Variants in DLG2 observed in about 807,000 individuals in gnomAD.
DLG2 encodes the protein discs large MAGUK scaffold protein 2.
DLG2 carries 45 observed loss-of-function variants against 132.5 expected under a neutral mutation model. The ratio of observed to expected loss-of-function variants is 0.34; its 90% CI spans 0.27 to 0.44. The LOEUF (loss-of-function observed/expected upper bound fraction) is 0.44, where lower values mean the gene tolerates loss of function less well. Among genes scored for constraint, DLG2 ranks in the 20% least tolerant of loss-of-function variants. The pLI is 1.00. For missense variants in DLG2, 1,045 were observed against 1,196.9 expected, an observed-to-expected ratio of 0.87 and a Z score of 1.87; for synonymous variants, 424 against 419.6, an observed-to-expected ratio of 1.01 and a Z score of -0.13.
chr11:84,593,908 A>C (rs1308019157), intron 6 of DLG2, among the ~76,000 whole-genome samples: 1 of 152,252 alleles, frequency 6.6e-6, no homozygotes, highest in Non-Finnish European at 1.5e-5. Context: ...ATTATTCAAC[A>C]AAGAAACCTG....
intron 10 of DLG2, among the ~76,000 whole-genome samples, chr11:84,088,619 G>T (rs192170052): frequency 3.4e-4 from 51 of 152,230 alleles, no homozygotes; most frequent in African/African-American, 1.2e-3. Flanking sequence ...CTTGTCGATT[G>T]CCAGTCACCA....
chr11:84,999,567 C>T (rs1201907423), intron 6 of DLG2, among the ~76,000 whole-genome samples: 3 of 152,036 alleles, frequency 2.0e-5, no homozygotes. Context: ...ATGAAAATAA[C>T]AATATATAAA....
chr11:85,351,149 G>A (rs187781775), intron 3 of DLG2, among the ~76,000 whole-genome samples: 2 of 152,148 alleles, frequency 1.3e-5, no homozygotes, highest in African/African-American at 4.8e-5. Context: ...GTATTCCTAA[G>A]TATTTTATTC....
At chr11:85,524,502 C>T (rs2074586616) in intron 3 of DLG2, among the ~76,000 whole-genome samples, 1 of 145,598 alleles carries the variant, frequency 6.9e-6, no homozygotes, top group South Asian at 2.3e-4. Flanking sequence ...AATTTTATTT[C>T]ATTTTTTTGA....
chr11:85,191,160 G>GCACACACACACA (rs1256970184), intron 4 of DLG2, among the ~76,000 whole-genome samples: 19 of 101,170 alleles, frequency 1.9e-4, no homozygotes, highest in African/African-American at 7.4e-4. Context: ...GCGCGCACGC[G>GCACACACACACA]CGCACACACA....
rs573010196 is a variant in DLG2 at position 85,137,488 on chromosome 11, C to G, written c.282+17068G>C. ...GCAAATCCTGAAATCGTTTCTGTCC[C>G]TCTGGGTCCAAACTGAGAGTATGGC... On this transcript the variant is annotated intron_variant, in intron 5 of 27. Coordinates refer to ENST00000376104, the MANE Select transcript of DLG2 (RefSeq NM_001142699.3). 1.4e-4 allele frequency among the ~76,000 whole-genome samples: 22 copies of G among 152,178 alleles called. No individual in the cohort carries two copies. In the South Asian group the frequency reaches 2.3e-3, roughly 16 times the overall value.
At chr11:83,552,752 C>T (rs555360857) in intron 19 of DLG2, among the ~76,000 whole-genome samples, 13 of 152,304 alleles carry the variant, frequency 8.5e-5, no homozygotes, top group East Asian at 7.7e-4. Flanking sequence ...TTCTTGTAGA[C>T]ACACATGACC....
intron 6 of DLG2, among the ~76,000 whole-genome samples, chr11:84,969,144 A>G (rs895496792): frequency 6.6e-6 from 1 of 152,002 alleles, no homozygotes; most frequent in Non-Finnish European, 1.5e-5. Context: ...TAGATTACCC[A>G]TAATACCTTA....
At chr11:83,780,353 T>G (rs148257103) in intron 18 of DLG2, among the ~76,000 whole-genome samples, 1 of 152,198 alleles carries the variant, frequency 6.6e-6, no homozygotes, top group Non-Finnish European at 1.5e-5. Flanking sequence ...TCTGTGACAG[T>G]GGTTACCCCA....
intron 4 of DLG2, among the ~76,000 whole-genome samples, chr11:85,159,148 C>T (rs2077836442): frequency 6.6e-6 from 1 of 152,170 alleles, no homozygotes; most frequent in South Asian, 2.1e-4. Context: ...TGGACACTGG[C>T]TCTGAACTGA....
At chr11:84,501,439 C>T (rs1386695229) in intron 7 of DLG2, among the ~76,000 whole-genome samples, 1 of 152,148 alleles carries the variant, frequency 6.6e-6, no homozygotes, top group Non-Finnish European at 1.5e-5. Context: ...GTGGTGCATG[C>T]CTGTAGTCCT....
intron 18 of DLG2, among the ~76,000 whole-genome samples, chr11:83,717,523 G>A (rs2087013714): frequency 6.6e-6 from 1 of 152,106 alleles, no homozygotes; most frequent in Non-Finnish European, 1.5e-5. Flanking sequence ...TGAGTAGAGA[G>A]GGGATAACAA....
chr11:84,220,142 G>A (rs1360137851), intron 8 of DLG2, among the ~76,000 whole-genome samples: 1 of 152,050 alleles, frequency 6.6e-6, no homozygotes, highest in Non-Finnish European at 1.5e-5. Flanking sequence ...ATATTAATGT[G>A]TTCGTATATT....
chr11:85,557,497 A>G (rs1163233642), intron 3 of DLG2, among the ~76,000 whole-genome samples: 1 of 151,856 alleles, frequency 6.6e-6, no homozygotes, highest in Non-Finnish European at 1.5e-5. Context: ...TGAACAGCCA[A>G]TGGAATCCTA....
chr11:83,838,797 G>A (rs202112000), intron 16 of DLG2, among the ~76,000 whole-genome samples: 1,792 of 145,978 alleles, frequency 0.012, 40 homozygotes, highest in African/African-American at 0.042. Context: ...AAAAAAAAAA[G>A]CTGTCATTGT....
chr11:85,077,901 T>C (rs1214826849), intron 6 of DLG2, among the ~76,000 whole-genome samples: 1 of 152,046 alleles, frequency 6.6e-6, no homozygotes, highest in Non-Finnish European at 1.5e-5. Context: ...GTGCTGTCTA[T>C]AAGAATTATT....
intron 6 of DLG2, among the ~76,000 whole-genome samples, chr11:84,839,430 A>G (rs1405329097): frequency 6.6e-6 from 1 of 152,186 alleles, no homozygotes; most frequent in Non-Finnish European, 1.5e-5. Flanking sequence ...AAGGTAATTT[A>G]TAGATTCAAT....
At chr11:85,005,184 T>G (rs2058544247) in intron 6 of DLG2, among the ~76,000 whole-genome samples, 1 of 152,218 alleles carries the variant, frequency 6.6e-6, no homozygotes, top group African/African-American at 2.4e-5. Context: ...TTGTTCTTTT[T>G]GCTTAGGATT....
At chr11:84,331,707 T>C (rs1256754829) in intron 7 of DLG2, among the ~76,000 whole-genome samples, 2 of 151,926 alleles carry the variant, frequency 1.3e-5, no homozygotes, top group Non-Finnish European at 2.9e-5. Context: ...GGGTGGAGTT[T>C]TTCACCATCT....
Sources: gnomAD v4.1 joint callset for allele counts (sites outside exome capture counted in the v4.1 genomes callset) on GRCh38, gnomAD v4.1.1 for gene constraint, MANE v1.5 for transcripts, NCBI Gene and HGNC (gene_info 2026-07-23, HGNC 2026-07-21) for gene names.